UAP1: variants seen among roughly 807,000 people sequenced by gnomAD.
UAP1 encodes the protein UDP-N-acetylhexosamine pyrophosphorylase.
A neutral mutation model predicts 58.5 loss-of-function variants in UAP1; 25 were observed. The observed-to-expected ratio is 0.43, with a 90% CI of 0.31 to 0.60. The LOEUF (loss-of-function observed/expected upper bound fraction) is 0.60, where lower values mean the gene tolerates loss of function less well. Ranked by LOEUF, UAP1 falls within the 20% of genes least tolerant of loss-of-function variation. UAP1 has a pLI of 0.11. For synonymous variants in UAP1, 208 were observed against 213.0 expected (o/e 0.98, Z 0.21); for missense variants, 575 against 630.0 (o/e 0.91, Z 0.93).
exon 2 of UAP1, chr1:162,566,215 C>A (rs1408297830): frequency 6.2e-7 from 1 of 1,614,064 alleles, no homozygotes; most frequent in Non-Finnish European, 8.5e-7. Flanking sequence ...ACTTCTTTTT[C>A]CAAAAGGCCA....
intron 3 of UAP1, among the ~76,000 whole-genome samples, chr1:162,578,933 A>G (rs1457115512): frequency 1.3e-5 from 2 of 152,122 alleles, no homozygotes; most frequent in Non-Finnish European, 2.9e-5. Context: ...TTTTTGCCAC[A>G]CTAGCATGGG....
chr1:162,600,404 T>C (rs1232356407), downstream of UAP1, among the ~76,000 whole-genome samples: 1 of 152,186 alleles, frequency 6.6e-6, no homozygotes, highest in Admixed American at 6.5e-5. Flanking sequence ...ATATGGGCCA[T>C]AGATCATTGG....
At chr1:162,566,152 C>G (rs1315653689) in exon 2 of UAP1, 3 of 1,613,774 alleles carry the variant, frequency 1.9e-6, no homozygotes, top group Non-Finnish European at 2.5e-6. Flanking sequence ...TTGAAGAAGC[C>G]CAACAGGTAG....
chr1:162,589,209 A>T (rs867797483), intron 7 of UAP1, among the ~76,000 whole-genome samples: 6 of 111,928 alleles, frequency 5.4e-5, no homozygotes, highest in East Asian at 2.2e-4. Flanking sequence ...TTATATTTAA[A>T]TATATATAAT....
chr1:162,598,026 G>A (rs555523876), intron 10 of UAP1, among the ~76,000 whole-genome samples, 168 bp downstream of exon 10: 1 of 152,074 alleles, frequency 6.6e-6, no homozygotes, highest in Non-Finnish European at 1.5e-5. Flanking sequence ...TATATGCATT[G>A]AATCATCACA....
intron 6 of UAP1, among the ~76,000 whole-genome samples, chr1:162,588,271 A>G (rs1015936966): frequency 2.6e-5 from 4 of 152,348 alleles, no homozygotes; most frequent in Non-Finnish European, 2.9e-5. Flanking sequence ...TAGCTTTTAG[A>G]CATTCAAGAT....
intron 3 of UAP1, among the ~76,000 whole-genome samples, chr1:162,578,088 G>A (rs79353300): frequency 6.6e-6 from 1 of 152,100 alleles, no homozygotes; most frequent in African/African-American, 2.4e-5. Flanking sequence ...CTTTTTATAA[G>A]TTTTTGGTTC....
chr1:162,563,182 A>G (rs1308635777), intron 1 of UAP1, among the ~76,000 whole-genome samples: 1 of 152,188 alleles, frequency 6.6e-6, no homozygotes, highest in Non-Finnish European at 1.5e-5. Context: ...GAAACATGCT[A>G]CTATTTTTGT....
At chr1:162,566,963 T>A (rs1653550739) in intron 2 of UAP1, among the ~76,000 whole-genome samples, 1 of 152,168 alleles carries the variant, frequency 6.6e-6, no homozygotes, top group South Asian at 2.1e-4. Flanking sequence ...CCTAACCTGA[T>A]CCTAACCCAT....
At chr1:162,590,682 A>C (rs957615863) in intron 8 of UAP1, among the ~76,000 whole-genome samples, 171 bp downstream of exon 8, 1 of 152,170 alleles carries the variant, frequency 6.6e-6, no homozygotes, top group Non-Finnish European at 1.5e-5. Flanking sequence ...TATAAAGAGA[A>C]TGATTGTTTT....
chr1:162,594,837 A>T (rs1383224774), intron 9 of UAP1, among the ~76,000 whole-genome samples: 4 of 152,218 alleles, frequency 2.6e-5, no homozygotes, highest in Non-Finnish European at 5.9e-5. Context: ...GAATAATTAA[A>T]GTGAAATCAA....
At chr1:162,590,590 C>G in intron 8 of UAP1, 79 bp downstream of exon 8, 3 of 1,137,554 alleles carry the variant, frequency 2.6e-6, no homozygotes, top group Non-Finnish European at 2.4e-6. Context: ...CTCTCTCTCT[C>G]TGTATTCCTA....
At chr1:162,590,826 A>C (rs1207885827) in intron 8 of UAP1, among the ~76,000 whole-genome samples, 1 of 150,512 alleles carries the variant, frequency 6.6e-6, no homozygotes, top group Non-Finnish European at 1.5e-5. Flanking sequence ...GGTGTGCCAT[A>C]TGGTTAAAGC....
At chr1:162,563,784 T>A (rs1653324008) in intron 1 of UAP1, among the ~76,000 whole-genome samples, 1 of 152,246 alleles carries the variant, frequency 6.6e-6, no homozygotes, top group Non-Finnish European at 1.5e-5. Context: ...TATGTTTGTG[T>A]ATGCCTTTTA....
intron 2 of UAP1, among the ~76,000 whole-genome samples, chr1:162,575,867 A>G (rs1222050337): frequency 1.3e-5 from 2 of 151,998 alleles, no homozygotes; most frequent in Admixed American, 1.3e-4. Flanking sequence ...TATTTTTAGT[A>G]GAGACAGGTT....
chr1:162,579,850 C>T (rs1376203769), intron 4 of UAP1, among the ~76,000 whole-genome samples: 3 of 151,948 alleles, frequency 2.0e-5, no homozygotes, highest in Non-Finnish European at 2.9e-5. Context: ...TTCTCTATAA[C>T]AAGTATTTTA....
At chr1:162,583,536 A>G (rs570618707) in intron 5 of UAP1, among the ~76,000 whole-genome samples, 25 of 152,278 alleles carry the variant, frequency 1.6e-4, no homozygotes, top group South Asian at 4.1e-4. Flanking sequence ...ATGCAATCAG[A>G]GAGTGTTCAA....
At chr1:162,564,432 G>A (rs1168578929) in intron 1 of UAP1, among the ~76,000 whole-genome samples, 1 of 152,234 alleles carries the variant, frequency 6.6e-6, no homozygotes, top group Admixed American at 6.5e-5. Flanking sequence ...GAAGATAAGT[G>A]TCTTTAGAAC....
chr1:162,590,461 A>C lies in UAP1; in HGVS notation c.1308A>C (p.Ala436=), dbSNP rs151062011. ...TTCATCATTGCTGGGTCCTCAATGC[A>C]GGGGGCCATTTCATAGATGAAAATG... The change falls in exon 8 of 11, where the codon GCA becomes GCC. Residue 436 remains alanine, a synonymous_variant. Transcript: ENST00000271469. 54 of 1,609,970 alleles carry C rather than the reference A, an allele frequency of 3.4e-5. No homozygotes were observed. In the African/African-American group the frequency reaches 6.0e-4, roughly 18 times the overall value.
Sources: allele counts gnomAD v4.1 joint callset (sites outside exome capture counted in the v4.1 genomes callset), GRCh38; gene constraint gnomAD v4.1.1; transcripts MANE v1.5; gene names NCBI Gene and HGNC (gene_info 2026-07-23, HGNC 2026-07-21).